The following STXBP4 variants were observed in gnomAD, a reference collection of about 807,000 sequenced individuals.
STXBP4 encodes the protein syntaxin binding protein 4, also known as syntaxin-binding protein 4.
A neutral mutation model predicts 76.1 loss-of-function variants in STXBP4; 55 were observed. That is an observed-to-expected ratio of 0.72 (90% CI 0.58 to 0.91). The LOEUF is 0.91. STXBP4 is among the 40% of genes least tolerant of loss of function. The pLI, the probability that STXBP4 is intolerant of heterozygous loss-of-function variation, is 0.00. For synonymous variants in STXBP4, 201 were observed against 220.2 expected, an observed-to-expected ratio of 0.91 and a Z score of 0.77; for missense variants, 618 against 636.9, an observed-to-expected ratio of 0.97 and a Z score of 0.32.
chr17:55,189,874 C>T, the STXBP4 span, among the ~76,000 whole-genome samples: 4 of 152,112 alleles, frequency 2.6e-5, no homozygotes, highest in East Asian at 5.8e-4. Context: ...CCCCACAGTA[C>T]CTCTTAGTCA....
At chr17:55,017,200 C>T (rs933619116) in intron 8 of STXBP4, among the ~76,000 whole-genome samples, 3 of 152,156 alleles carry the variant, frequency 2.0e-5, no homozygotes, top group Non-Finnish European at 4.4e-5. Flanking sequence ...CTCTTCGACT[C>T]TCTTTTTCTC....
At chr17:55,206,498 C>T in the STXBP4 span, among the ~76,000 whole-genome samples, 35 of 152,278 alleles carry the variant, frequency 2.3e-4, no homozygotes, top group East Asian at 6.6e-3. Context: ...AGAATGTCTT[C>T]TCTTACACTC....
chr17:55,106,904 T>TTATG (rs1290269870), intron 16 of STXBP4, among the ~76,000 whole-genome samples: 2 of 151,980 alleles, frequency 1.3e-5, no homozygotes, highest in African/African-American at 4.8e-5. Flanking sequence ...AATCTGACAA[T>TTATG]TATGTGTCTT....
At chr17:55,009,025 T>C (rs894990667) in intron 8 of STXBP4, among the ~76,000 whole-genome samples, 3 of 152,238 alleles carry the variant, frequency 2.0e-5, no homozygotes, top group African/African-American at 7.2e-5. Flanking sequence ...CCTTCACTTT[T>C]TGGTGCCCTA....
At chr17:55,201,953 A>T in the STXBP4 span, among the ~76,000 whole-genome samples, 1 of 152,260 alleles carries the variant, frequency 6.6e-6, no homozygotes, top group African/African-American at 2.4e-5. Context: ...AACAGTAAAC[A>T]ATTCACAAAG....
At chr17:55,130,474 CA>C (rs1373323383) in intron 16 of STXBP4, among the ~76,000 whole-genome samples, 3 of 152,090 alleles carry the variant, frequency 2.0e-5, no homozygotes, top group Non-Finnish European at 4.4e-5. Flanking sequence ...ATGGAATGAT[CA>C]AATCAGGCCA....
intron 8 of STXBP4, among the ~76,000 whole-genome samples, chr17:55,026,553 A>G (rs1317356043): frequency 6.6e-6 from 1 of 152,158 alleles, no homozygotes; most frequent in East Asian, 1.9e-4. Flanking sequence ...AAGTCCCAAG[A>G]GTGTAAGATG....
chr17:55,084,397 G>GT (rs2079296898), intron 16 of STXBP4, among the ~76,000 whole-genome samples: 1 of 152,134 alleles, frequency 6.6e-6, no homozygotes, highest in Non-Finnish European at 1.5e-5. Flanking sequence ...TGTCAGATGA[G>GT]TAGGTTGCGA....
intron 8 of STXBP4, among the ~76,000 whole-genome samples, chr17:55,028,920 G>A (rs1437641775): frequency 6.6e-6 from 1 of 152,026 alleles, no homozygotes; most frequent in Non-Finnish European, 1.5e-5. Flanking sequence ...CCAGTTTGGA[G>A]AACAATTCAA....
chr17:55,077,686 C>CGTGTGT (rs10690646), intron 13 of STXBP4, among the ~76,000 whole-genome samples: 7,096 of 133,952 alleles, frequency 0.053, 335 homozygotes, highest in African/African-American at 0.11. Context: ...TGTCTTACAT[C>CGTGTGT]GTGTGTGTGT....
intron 7 of STXBP4, among the ~76,000 whole-genome samples, chr17:55,003,667 T>G (rs939118529): frequency 6.6e-6 from 1 of 152,244 alleles, no homozygotes; most frequent in Non-Finnish European, 1.5e-5. Context: ...TAGTTCTATT[T>G]CTGTTCTTAT....
At chr17:55,036,815 T>A (rs1160216372) in intron 10 of STXBP4, among the ~76,000 whole-genome samples, 1 of 152,130 alleles carries the variant, frequency 6.6e-6, no homozygotes, top group African/African-American at 2.4e-5. Context: ...TTTAGAGCTC[T>A]ACTGTTTTCA....
intron 16 of STXBP4, among the ~76,000 whole-genome samples, chr17:55,107,001 G>A (rs1228706259): frequency 6.6e-6 from 1 of 152,162 alleles, no homozygotes; most frequent in African/African-American, 2.4e-5. Context: ...GGTTGGGGAA[G>A]TTCTCCTGGA....
chr17:55,029,406 A>G (rs535452340), intron 8 of STXBP4, among the ~76,000 whole-genome samples: 1 of 152,144 alleles, frequency 6.6e-6, no homozygotes, highest in South Asian at 2.1e-4. Context: ...AACCGAATAT[A>G]TAGTTTTATT....
At chr17:55,028,721 C>T (rs1443682249) in intron 8 of STXBP4, among the ~76,000 whole-genome samples, 5 of 152,030 alleles carry the variant, frequency 3.3e-5, no homozygotes, top group African/African-American at 9.7e-5. Flanking sequence ...TGCTAATAAA[C>T]ATGTAAATGA....
intron 7 of STXBP4, among the ~76,000 whole-genome samples, chr17:55,002,130 T>G (rs1040707028): frequency 2.6e-5 from 4 of 152,202 alleles, no homozygotes; most frequent in African/African-American, 9.6e-5. Flanking sequence ...TGTACTGTAT[T>G]TATTTTAAAC....
At chr17:55,010,081 A>G (rs1005809555) in intron 8 of STXBP4, among the ~76,000 whole-genome samples, 1 of 151,996 alleles carries the variant, frequency 6.6e-6, no homozygotes, top group Non-Finnish European at 1.5e-5. Flanking sequence ...TTAATCTTCT[A>G]TAAACATTAC....
chr17:55,089,676 A>C (rs140718552), intron 16 of STXBP4, among the ~76,000 whole-genome samples: 39 of 152,328 alleles, frequency 2.6e-4, no homozygotes, highest in Admixed American at 7.8e-4. Context: ...CTACATGTTC[A>C]GAACTGCAAT....
At chr17:55,071,369 A>C (rs188701778) in intron 12 of STXBP4, among the ~76,000 whole-genome samples, 260 of 152,032 alleles carry the variant, frequency 1.7e-3, no homozygotes, top group African/African-American at 5.8e-3. Context: ...GTCTTCCTGG[A>C]CCCTACTACT....
Sources: allele counts gnomAD v4.1 joint callset (sites outside exome capture counted in the v4.1 genomes callset), GRCh38; gene constraint gnomAD v4.1.1; transcripts MANE v1.5; gene names NCBI Gene and HGNC (gene_info 2026-07-23, HGNC 2026-07-21).